Variants in SPRY3 observed in about 807,000 individuals in gnomAD.
SPRY3 encodes protein sprouty homolog 3.
SPRY3 carries 15 observed loss-of-function variants against 20.2 expected under a neutral mutation model. The ratio of observed to expected loss-of-function variants is 0.74; its 90% confidence interval spans 0.50 to 1.14. The LOEUF is 1.14. Among genes scored for constraint, SPRY3 ranks in the 50% most tolerant of loss-of-function variants. The pLI, the probability that SPRY3 is intolerant of heterozygous loss-of-function variation, is 0.00. For missense variants in SPRY3, 364 were observed against 363.9 expected (o/e 1.00, Z 0.00); for synonymous variants, 143 against 136.5 (o/e 1.05, Z -0.33).
intron 1 of SPRY3, among the ~76,000 whole-genome samples, chrX:155,630,568 A>G (rs1408505826): frequency 9.0e-6 from 1 of 111,677 alleles, no homozygotes; most frequent in African/African-American, 3.3e-5. Context: ...ATGCTGGCCT[A>G]CAAGGTTTCT....
chrX:155,715,859 T>C (rs1478867848), intron 2 of SPRY3, among the ~76,000 whole-genome samples: 3 of 152,166 alleles, frequency 2.0e-5, no homozygotes, highest in African/African-American at 7.2e-5. Context: ...CTGAGTTTAA[T>C]GTAAATTCCC....
chrX:155,683,036 A>G (rs910365385), intron 2 of SPRY3, among the ~76,000 whole-genome samples: 20 of 112,176 alleles, frequency 1.8e-4, no homozygotes, highest in African/African-American at 6.5e-4. Flanking sequence ...CTGCAATATC[A>G]TGATAAAACT....
intron 2 of SPRY3, among the ~76,000 whole-genome samples, chrX:155,690,080 A>C (rs191258384): frequency 1.1e-5 from 1 of 88,404 alleles, no homozygotes; most frequent in African/African-American, 5.4e-5. Context: ...TATTTACCCA[A>C]AAGTTGTTCA....
intron 2 of SPRY3, among the ~76,000 whole-genome samples, chrX:155,676,816 T>C (rs1370081582): frequency 4.5e-5 from 5 of 111,460 alleles, no homozygotes; most frequent in African/African-American, 1.6e-4. Context: ...CCTAATTCCA[T>C]TTTTGAGGGA....
chrX:155,737,331 G>A (rs1347397485), intron 2 of SPRY3, among the ~76,000 whole-genome samples: 1 of 152,032 alleles, frequency 6.6e-6, no homozygotes, highest in Non-Finnish European at 1.5e-5. Flanking sequence ...GTATGATTCA[G>A]GCAGGGTGCT....
In SPRY3 at chrX:155,776,371, G is replaced by A. The variant is rs1249146229; in HGVS notation, c.*1633G>A. 1.2e-5 allele frequency: 2 copies of A among 167,100 alleles called. No homozygotes were observed. Among genetic ancestry groups the A allele is most frequent in the African/African-American group, 4.8e-5 (2 of 41,438 alleles). 10.4% of individuals were successfully genotyped at this position (167,100 alleles called of 1,614,324 possible). On this transcript the variant is annotated 3_prime_UTR_variant, in exon 4 of 4. Coordinates refer to ENST00000675360, the Ensembl canonical transcript of SPRY3. ...GCTTGCTCCTGGCTTTGTCTGCAAT[G>A]GCAGCTGCCTGAGAACTTAAATTTC...
chrX:155,631,552 C>T (rs2067906484), intron 1 of SPRY3, among the ~76,000 whole-genome samples: 1 of 112,301 alleles, frequency 8.9e-6, no homozygotes, highest in African/African-American at 3.2e-5. Flanking sequence ...GACTAATTTA[C>T]ATTCCCATCA....
chrX:155,751,307 C>T (rs1027760036), intron 2 of SPRY3, among the ~76,000 whole-genome samples: 1 of 151,856 alleles, frequency 6.6e-6, no homozygotes, highest in Non-Finnish European at 1.5e-5. Flanking sequence ...AACTGTTGCT[C>T]CTACAATTAG....
chrX:155,645,394 C>T (rs1322623185), intron 1 of SPRY3, among the ~76,000 whole-genome samples: 1 of 111,831 alleles, frequency 8.9e-6, no homozygotes, highest in Non-Finnish European at 1.9e-5. Context: ...CTAGGAGTTA[C>T]AGTCCTTGTG....
chrX:155,776,485 C>T (rs1472892728), exon 4 of SPRY3: 1 of 167,000 alleles, frequency 6.0e-6, no homozygotes, highest in Non-Finnish European at 1.5e-5. Flanking sequence ...GCTGTGAACC[C>T]CCTTCAATGG....
downstream of SPRY3, chrX:155,777,598 A>T (rs1454700884): frequency 3.5e-5 from 1 of 28,950 alleles, no homozygotes; most frequent in African/African-American, 2.3e-4. Flanking sequence ...ATGCGCATGG[A>T]CGTGTGAGTG....
chrX:155,777,463 ATTGAAGGGTTACTCAAATACAG>A (rs1182371200), downstream of SPRY3: 1 of 166,472 alleles, frequency 6.0e-6, no homozygotes, highest in Non-Finnish European at 1.5e-5. Flanking sequence ...GGTAGAAGAA[ATTGAAGGGTTACTCAAATACAG>A]TTGCAATCTG....
intron 1 of SPRY3, among the ~76,000 whole-genome samples, chrX:155,647,502 T>C (rs2067961729): frequency 9.3e-6 from 1 of 107,751 alleles, no homozygotes; most frequent in Non-Finnish European, 1.9e-5. Context: ...TTCCCCACCC[T>C]GTGCCCATAT....
intron 1 of SPRY3, among the ~76,000 whole-genome samples, chrX:155,613,319 T>C (rs1201099839): frequency 1.8e-5 from 2 of 111,469 alleles, no homozygotes; most frequent in African/African-American, 3.3e-5. Context: ...GCTGAGCATC[T>C]TGAACCCAGG....
chrX:155,774,211 C>A (rs764637119), exon 4 of SPRY3: 24 of 1,613,888 alleles, frequency 1.5e-5, no homozygotes, highest in Non-Finnish European at 1.9e-5. Flanking sequence ...ATCCATCATC[C>A]GAACCCAACC....
intron 2 of SPRY3, among the ~76,000 whole-genome samples, chrX:155,734,928 C>T (rs1423983008): frequency 6.6e-6 from 1 of 151,644 alleles, no homozygotes; most frequent in Non-Finnish European, 1.5e-5. Flanking sequence ...TTTCTAGTTT[C>T]CTCAGGTAAA....
chrX:155,727,171 C>T (rs768498284), intron 2 of SPRY3, among the ~76,000 whole-genome samples: 11 of 152,286 alleles, frequency 7.2e-5, no homozygotes, highest in East Asian at 5.8e-4. Flanking sequence ...CCAAGAGATC[C>T]GCTGTTAGTC....
chrX:155,732,054 C>T (rs755747751), intron 2 of SPRY3, among the ~76,000 whole-genome samples: 6 of 152,052 alleles, frequency 3.9e-5, no homozygotes, highest in Middle Eastern at 3.4e-3. Context: ...TCTTAGAAAA[C>T]GTAGCCTTCC....
At chrX:155,686,184 A>G (rs2068087293) in intron 2 of SPRY3, among the ~76,000 whole-genome samples, 1 of 111,057 alleles carries the variant, frequency 9.0e-6, no homozygotes, top group Non-Finnish European at 1.9e-5. Context: ...TTGTTTCAAA[A>G]GTGTTCACAA....
Sources: allele counts gnomAD v4.1 joint callset (sites outside exome capture counted in the v4.1 genomes callset), GRCh38; gene constraint gnomAD v4.1.1; transcripts MANE v1.5; gene names NCBI Gene and HGNC (gene_info 2026-07-23, HGNC 2026-07-21).